ZDHHC15: variants seen among roughly 807,000 people sequenced by gnomAD.
The protein encoded by ZDHHC15 is zDHHC palmitoyltransferase 15, also known as palmitoyltransferase ZDHHC15.
A neutral mutation model predicts 31.7 loss-of-function variants in ZDHHC15; 19 were observed. The observed-to-expected ratio is 0.60, with a 90% CI of 0.42 to 0.88. The LOEUF (loss-of-function observed/expected upper bound fraction) is 0.88. ZDHHC15 is among the 40% of genes least tolerant of loss of function. The pLI is 0.00. For synonymous variants in ZDHHC15, 103 were observed against 90.0 expected (o/e 1.14, Z -0.82); for missense variants, 209 against 251.2 (o/e 0.83, Z 1.14).
At chrX:75,506,836 C>A (rs752188019) in intron 1 of ZDHHC15, among the ~76,000 whole-genome samples, 2 of 111,716 alleles carry the variant, frequency 1.8e-5, no homozygotes, top group Non-Finnish European at 3.8e-5. Context: ...TTCTTGGAGA[C>A]CAATATTAAT....
At chrX:75,507,596 G>A (rs1052842147) in intron 1 of ZDHHC15, among the ~76,000 whole-genome samples, 1 of 111,385 alleles carries the variant, frequency 9.0e-6, no homozygotes, top group East Asian at 2.8e-4. Context: ...TAATCTCATG[G>A]GTAAGTGTAC....
At chrX:75,504,462 G>A (rs1457889056) in intron 2 of ZDHHC15, among the ~76,000 whole-genome samples, 2 of 111,221 alleles carry the variant, frequency 1.8e-5, no homozygotes, top group African/African-American at 6.5e-5. Flanking sequence ...GATTATATGT[G>A]AATCATCTGA....
At chrX:75,449,201 TACACACACAC>T (rs3075226) in intron 4 of ZDHHC15, among the ~76,000 whole-genome samples, 12,744 of 76,332 alleles carry the variant, frequency 0.17, 1,032 homozygotes, top group Middle Eastern at 0.25. Context: ...TCTCTCTCTA[TACACACACAC>T]ACACACACAC....
chrX:75,477,678 T>A (rs2084627712), intron 3 of ZDHHC15, among the ~76,000 whole-genome samples: 1 of 111,858 alleles, frequency 8.9e-6, no homozygotes, highest in Non-Finnish European at 1.9e-5. Flanking sequence ...TAACCACCCT[T>A]GCTCTGTTTT....
At chrX:75,493,730 C>G (rs371840874) in intron 2 of ZDHHC15, among the ~76,000 whole-genome samples, 1 of 112,200 alleles carries the variant, frequency 8.9e-6, no homozygotes, top group Non-Finnish European at 1.9e-5. Flanking sequence ...CAAAATTCAA[C>G]AGCCCTTCAT....
intron 2 of ZDHHC15, among the ~76,000 whole-genome samples, chrX:75,491,027 G>A (rs1317341200): frequency 3.6e-5 from 4 of 111,649 alleles, no homozygotes; most frequent in African/African-American, 1.3e-4. Flanking sequence ...CACTGTTGGT[G>A]GGACTGTAAA....
intron 2 of ZDHHC15, among the ~76,000 whole-genome samples, chrX:75,482,308 C>A (rs1251789942): frequency 8.9e-6 from 1 of 111,843 alleles, no homozygotes; most frequent in Non-Finnish European, 1.9e-5. Flanking sequence ...AGAGTTGTTT[C>A]CATGATTTAG....
At chrX:75,464,125 G>T (rs1203605832) in intron 3 of ZDHHC15, among the ~76,000 whole-genome samples, 1 of 111,767 alleles carries the variant, frequency 8.9e-6, no homozygotes, top group Admixed American at 9.6e-5. Context: ...ATGAGTTCAT[G>T]TCCTTTGCAG....
chrX:75,411,080 C>A (rs1025802138), intron 10 of ZDHHC15, among the ~76,000 whole-genome samples: 2 of 111,166 alleles, frequency 1.8e-5, no homozygotes, highest in African/African-American at 6.5e-5. Context: ...TTACCAGAGG[C>A]CAGGAAGATT....
chrX:75,459,631 C>A (rs2084280759), intron 3 of ZDHHC15, among the ~76,000 whole-genome samples: 1 of 111,396 alleles, frequency 9.0e-6, no homozygotes, highest in Admixed American at 9.5e-5. Flanking sequence ...TCAGCCACTC[C>A]AGCCAGGGTA....
chrX:75,513,588 A>T (rs979260874), intron 1 of ZDHHC15, among the ~76,000 whole-genome samples: 2 of 111,689 alleles, frequency 1.8e-5, no homozygotes, highest in African/African-American at 6.5e-5. Context: ...ACTATATACA[A>T]TAATAGAGCC....
intron 4 of ZDHHC15, among the ~76,000 whole-genome samples, chrX:75,440,548 G>A (rs1280129619): frequency 8.9e-6 from 1 of 112,622 alleles, no homozygotes; most frequent in Non-Finnish European, 1.9e-5. Context: ...CGAAGTGCTG[G>A]GATTACAGGC....
chrX:75,497,017 C>T (rs914698025), intron 2 of ZDHHC15, among the ~76,000 whole-genome samples: 5 of 110,060 alleles, frequency 4.5e-5, no homozygotes, highest in African/African-American at 1.6e-4. Flanking sequence ...GAAATTGAAA[C>T]AAAAAATACA....
At chrX:75,477,073 T>C (rs2084617119) in intron 3 of ZDHHC15, among the ~76,000 whole-genome samples, 2 of 111,625 alleles carry the variant, frequency 1.8e-5, no homozygotes, top group South Asian at 7.4e-4. Flanking sequence ...GTTAAGTTTT[T>C]TCTTGTTTTC....
chrX:75,453,736 AT>A (rs1378153729), intron 3 of ZDHHC15, among the ~76,000 whole-genome samples: 1 of 111,487 alleles, frequency 9.0e-6, no homozygotes, highest in African/African-American at 3.3e-5. Context: ...AGTTCAACAT[AT>A]GAAAATCAAT....
At chrX:75,417,361 G>A (rs898780766) in intron 9 of ZDHHC15, among the ~76,000 whole-genome samples, 171 bp from the exon 10 acceptor site, 11 of 111,679 alleles carry the variant, frequency 9.8e-5, no homozygotes, top group South Asian at 7.5e-4. Context: ...TATTGCTCTC[G>A]ATTTCCATAT....
chrX:75,500,808 G>T (rs2085076694), intron 2 of ZDHHC15, among the ~76,000 whole-genome samples: 1 of 109,366 alleles, frequency 9.1e-6, no homozygotes, highest in Admixed American at 9.9e-5. Context: ...CCAACCTGAA[G>T]ATTTCCTATA....
chrX:75,495,235 TATCTC>T (rs1231099048), intron 2 of ZDHHC15, among the ~76,000 whole-genome samples: 2 of 111,731 alleles, frequency 1.8e-5, no homozygotes, highest in African/African-American at 3.3e-5. Flanking sequence ...AATGAGATAC[TATCTC>T]ACACCAGTTA....
At chrX:75,444,687 T>TATACACACGC (rs2084007375) in intron 4 of ZDHHC15, among the ~76,000 whole-genome samples, 7 of 29,503 alleles carry the variant, frequency 2.4e-4, no homozygotes, top group African/African-American at 9.4e-4. Context: ...TATATATATA[T>TATACACACGC]ACACACACAC....
Sources: allele counts gnomAD v4.1 joint callset (sites outside exome capture counted in the v4.1 genomes callset), GRCh38; gene constraint gnomAD v4.1.1; transcripts MANE v1.5; gene names NCBI Gene and HGNC (gene_info 2026-07-23, HGNC 2026-07-21).